LRRTM4: variants seen among roughly 807,000 people sequenced by gnomAD.
LRRTM4 encodes the protein leucine rich repeat transmembrane neuronal 4.
Under a neutral mutation model 47.6 loss-of-function variants are expected in LRRTM4, and 25 were observed. The ratio of observed to expected loss-of-function variants is 0.53; its 90% CI spans 0.38 to 0.73. The LOEUF is 0.73. Among genes scored for constraint, LRRTM4 ranks in the 30% least tolerant of loss-of-function variants. LRRTM4 has a pLI of 0.00. For missense variants in LRRTM4, 638 were observed against 713.4 expected (o/e 0.89, Z 1.20); for synonymous variants, 311 against 269.5 (o/e 1.15, Z -1.51).
chr2:77,290,772 T>C (rs1676801939), intron 3 of LRRTM4, among the ~76,000 whole-genome samples: 1 of 152,086 alleles, frequency 6.6e-6, no homozygotes, highest in Non-Finnish European at 1.5e-5. Flanking sequence ...CCTGTAATTC[T>C]AGCTTCCTTT....
intron 3 of LRRTM4, among the ~76,000 whole-genome samples, chr2:77,386,614 C>G (rs1322856965): frequency 6.6e-6 from 1 of 152,078 alleles, no homozygotes; most frequent in South Asian, 2.1e-4. Flanking sequence ...TGGGTATATA[C>G]CCAGTAATGG....
chr2:77,062,923 T>G (rs1411981197), intron 3 of LRRTM4, among the ~76,000 whole-genome samples: 1 of 144,758 alleles, frequency 6.9e-6, no homozygotes, highest in Non-Finnish European at 1.5e-5. Context: ...CTGTGTTCAG[T>G]TCCTCTTGTT....
intron 3 of LRRTM4, among the ~76,000 whole-genome samples, chr2:77,232,317 T>C (rs1674987033): frequency 6.6e-6 from 1 of 152,244 alleles, no homozygotes; most frequent in Non-Finnish European, 1.5e-5. Flanking sequence ...TCATTATTTA[T>C]ACAACATTAG....
At chr2:76,944,916 G>T (rs756013941) in intron 3 of LRRTM4, among the ~76,000 whole-genome samples, 1 of 152,008 alleles carries the variant, frequency 6.6e-6, no homozygotes, top group Non-Finnish European at 1.5e-5. Flanking sequence ...CTACAGCTCA[G>T]GTATAAGAAG....
At chr2:77,135,210 C>T (rs1027848892) in intron 3 of LRRTM4, among the ~76,000 whole-genome samples, 1 of 152,214 alleles carries the variant, frequency 6.6e-6, no homozygotes, top group African/African-American at 2.4e-5. Flanking sequence ...GCTTACATCA[C>T]TACTCATAGG....
At chr2:77,355,250 A>T (rs1466039953) in intron 3 of LRRTM4, among the ~76,000 whole-genome samples, 2 of 152,192 alleles carry the variant, frequency 1.3e-5, no homozygotes, top group African/African-American at 4.8e-5. Flanking sequence ...GTTCATATCA[A>T]AATAACAATT....
intron 3 of LRRTM4, among the ~76,000 whole-genome samples, chr2:77,434,096 C>T (rs1675493511): frequency 6.6e-6 from 1 of 151,944 alleles, no homozygotes; most frequent in Non-Finnish European, 1.5e-5. Context: ...GTGAGATTGC[C>T]CTACTAAGTT....
chr2:76,962,015 C>A (rs1346763120), intron 3 of LRRTM4, among the ~76,000 whole-genome samples: 1 of 151,050 alleles, frequency 6.6e-6, no homozygotes, highest in East Asian at 2.0e-4. Context: ...AGGTCATATA[C>A]CTTGGAGATA....
chr2:76,877,275 C>T (rs1160201902), intron 3 of LRRTM4, among the ~76,000 whole-genome samples: 3 of 151,958 alleles, frequency 2.0e-5, no homozygotes, highest in Non-Finnish European at 4.4e-5. Context: ...TTAACATTTC[C>T]ATAATTTTTG....
chr2:76,927,129 A>C (rs1240765140), intron 3 of LRRTM4, among the ~76,000 whole-genome samples: 11 of 152,040 alleles, frequency 7.2e-5, no homozygotes, highest in Admixed American at 2.6e-4. Context: ...TTTGGTGTGG[A>C]TCTCTATAGA....
intron 3 of LRRTM4, among the ~76,000 whole-genome samples, chr2:76,850,975 C>T (rs4340548): frequency 0.38 from 57,499 of 152,070 alleles, 11,895 homozygotes; most frequent in East Asian, 0.63. Context: ...TAAGTCTACA[C>T]ATATTTAATC....
intron 3 of LRRTM4, among the ~76,000 whole-genome samples, chr2:76,978,285 C>A (rs1490151827): frequency 6.6e-6 from 1 of 151,944 alleles, no homozygotes; most frequent in Non-Finnish European, 1.5e-5. Context: ...GCATTTCCCC[C>A]AGATTCCATT....
chr2:77,078,194 T>C (rs540067831), intron 3 of LRRTM4, among the ~76,000 whole-genome samples: 11 of 152,344 alleles, frequency 7.2e-5, no homozygotes, highest in Admixed American at 4.6e-4. Context: ...TGACATTTCA[T>C]TGAAAATTCT....
At chr2:77,003,343 A>G (rs1318927521) in intron 3 of LRRTM4, among the ~76,000 whole-genome samples, 1 of 152,036 alleles carries the variant, frequency 6.6e-6, no homozygotes, top group East Asian at 1.9e-4. Flanking sequence ...TAGGAAGTTG[A>G]TATGTATTGG....
intron 3 of LRRTM4, among the ~76,000 whole-genome samples, chr2:77,499,734 G>C (rs1678501571): frequency 6.6e-6 from 1 of 151,858 alleles, no homozygotes; most frequent in Non-Finnish European, 1.5e-5. Context: ...TATGCAAGCT[G>C]TAAGTTTCCA....
At chr2:77,242,976 G>A (rs138343590) in intron 3 of LRRTM4, among the ~76,000 whole-genome samples, 2 of 152,114 alleles carry the variant, frequency 1.3e-5, no homozygotes, top group African/African-American at 4.8e-5. Context: ...CAACCCAAGC[G>A]TCTATTGATA....
intron 3 of LRRTM4, among the ~76,000 whole-genome samples, chr2:77,360,983 A>G (rs1672185068): frequency 6.6e-6 from 1 of 152,030 alleles, no homozygotes; most frequent in Non-Finnish European, 1.5e-5. Context: ...GATGAATCAA[A>G]CCACTGTGCC....
chr2:77,443,966 C>G (rs1311422103), intron 3 of LRRTM4, among the ~76,000 whole-genome samples: 1 of 152,138 alleles, frequency 6.6e-6, no homozygotes, highest in South Asian at 2.1e-4. Context: ...AAAAAGTACA[C>G]AGGCATAGAA....
chr2:77,210,987 T>A (rs1258637819), intron 3 of LRRTM4, among the ~76,000 whole-genome samples: 1 of 152,024 alleles, frequency 6.6e-6, no homozygotes, highest in Non-Finnish European at 1.5e-5. Context: ...GAAAGTGTAG[T>A]CACTGTACGC....
Sources: allele counts gnomAD v4.1 joint callset (sites outside exome capture counted in the v4.1 genomes callset), GRCh38; gene constraint gnomAD v4.1.1; transcripts MANE v1.5; gene names NCBI Gene and HGNC (gene_info 2026-07-23, HGNC 2026-07-21).